SLC19A1: variants seen among roughly 807,000 people sequenced by gnomAD.
SLC19A1 encodes solute carrier family 19 member 1.
In SLC19A1, 37 loss-of-function variants were observed where a neutral mutation model predicts 35.3. That is an observed-to-expected ratio of 1.05 (90% CI 0.81 to 1.38). The LOEUF (loss-of-function observed/expected upper bound fraction) is 1.38, where lower values mean the gene tolerates loss of function less well. SLC19A1 is among the 40% of genes most tolerant of loss of function. The pLI, the probability that SLC19A1 is intolerant of heterozygous loss-of-function variation, is 0.00. For synonymous variants in SLC19A1, 460 were observed against 398.5 expected, an observed-to-expected ratio of 1.15 and a Z score of -1.84; for missense variants, 831 against 826.9, an observed-to-expected ratio of 1.00 and a Z score of -0.06.
chr21:45,507,600 A>G (rs765776651), downstream of SLC19A1: 10 of 1,612,908 alleles, frequency 6.2e-6, no homozygotes, highest in Admixed American at 1.0e-4. Context: ...GACGGTAAGG[A>G]GCCTTTTTTC....
chr21:45,546,535 C>T (rs1325077870), upstream of SLC19A1, among the ~76,000 whole-genome samples: 3 of 152,360 alleles, frequency 2.0e-5, no homozygotes, highest in South Asian at 2.1e-4. Flanking sequence ...CACTGAATCC[C>T]GATGCCCCCA....
In SLC19A1 at chr21:45,540,745, T is replaced by A. The variant is rs2078278437; in HGVS notation, c.-50+1623A>T. 6.6e-6 allele frequency among the ~76,000 whole-genome samples: 1 copy of A among 152,072 alleles called. No individual in the cohort carries two copies. ...TACAGCTTGAGGCCTCTTCCCGGCATCTGAAGGAAGTCCCCGACCAGACAG... is the reference window on the plus strand; with the variant it reads ...TACAGCTTGAGGCCTCTTCCCGGCAACTGAAGGAAGTCCCCGACCAGACAG... On this transcript the variant is annotated intron_variant, in intron 1 of 5. Transcript: ENST00000311124. This position sits in a 1 kb window ranked among gnomAD's most constrained non-coding sequence, Gnocchi z 5.5.
intron 4 of SLC19A1, among the ~76,000 whole-genome samples, chr21:45,528,258 C>T (rs73907589): frequency 6.6e-6 from 1 of 152,062 alleles, no homozygotes; most frequent in African/African-American, 2.4e-5. Flanking sequence ...CAGGCCAGCC[C>T]CCAGGGTGCT....
At chr21:45,544,204 C>T (rs1247444400), upstream of SLC19A1, 1 of 152,344 alleles carries the variant, frequency 6.6e-6, no homozygotes, top group African/African-American at 2.4e-5. Context: ...CCAAGCTGCC[C>T]TCGGGTCCCC....
Position 45,533,281 on chromosome 21 carries a change from G to A in SLC19A1, c.190-1133C>T, listed in dbSNP as rs9974515. Among the ~76,000 whole-genome samples, 1,787 of 151,876 alleles carry A rather than the reference G, an allele frequency of 0.012. 23 individuals are homozygous for A. Among genetic ancestry groups the A allele is most frequent in the African/African-American group, 0.034 (1,427 of 41,464 alleles). ...ACACACATCCACCTTCCATGGGAAC[G>A]TGGAGCTGGGCACGGGGCTGGGGGT... On this transcript the variant is annotated intron_variant, in intron 2 of 5. Transcript: ENST00000311124. This position sits in a 1 kb window ranked among gnomAD's most constrained non-coding sequence, Gnocchi z 4.5.
exon 1 of SLC19A1, among the ~76,000 whole-genome samples, chr21:45,562,945 C>CGGATCTGTGCG (rs939157981): frequency 1.3e-5 from 2 of 152,184 alleles, no homozygotes; most frequent in African/African-American, 4.8e-5. Context: ...CCGGTATCTA[C>CGGATCTGTGCG]GTGTGTACGG....
intron 5 of SLC19A1, among the ~76,000 whole-genome samples, chr21:45,521,343 A>G (rs1474462268): frequency 6.6e-6 from 1 of 152,248 alleles, no homozygotes; most frequent in Non-Finnish European, 1.5e-5. Context: ...CATATGCTGA[A>G]AACTACAAAA....
intron 3 of SLC19A1, chr21:45,505,772 C>G (rs1352236955): frequency 7.9e-7 from 1 of 1,257,956 alleles, no homozygotes; most frequent in Non-Finnish European, 1.1e-6. Context: ...ACGGGCATTC[C>G]TTCCTTCCGC....
At chr21:45,518,133 T>A (rs192512049) in intron 5 of SLC19A1, among the ~76,000 whole-genome samples, 2 of 151,988 alleles carry the variant, frequency 1.3e-5, no homozygotes, top group African/African-American at 4.8e-5. Flanking sequence ...ACAAACATGC[T>A]GGAAACAAAT....
At chr21:45,504,660 G>A in intron 3 of SLC19A1, 5 of 982,774 alleles carry the variant, frequency 5.1e-6, no homozygotes, top group Non-Finnish European at 4.6e-6. Flanking sequence ...GGCCGGAGCT[G>A]CCCCTGCAAG....
intron 1 of SLC19A1, among the ~76,000 whole-genome samples, chr21:45,555,000 C>T (rs771195036): frequency 6.6e-6 from 1 of 151,160 alleles, no homozygotes; most frequent in Non-Finnish European, 1.5e-5. Flanking sequence ...CCCAGGAGCA[C>T]GTCCAGGTTA....
At chr21:45,562,095 C>T (rs1157277382) in intron 1 of SLC19A1, among the ~76,000 whole-genome samples, 1 of 143,704 alleles carries the variant, frequency 7.0e-6, no homozygotes, top group East Asian at 2.1e-4. Context: ...CGCGCCATTG[C>T]ACTCCAGTCT....
Position 45,515,204 on chromosome 21 carries a change from A to T in SLC19A1, c.*454T>A. On this transcript the variant is annotated 3_prime_UTR_variant, in exon 6 of 6. Coordinates refer to ENST00000311124, the MANE Select transcript of SLC19A1 (RefSeq NM_194255.4). ...ATCTTTCAAAAAAGCAAGAGCACCAAGGATGACCAGCAATGTCACAGCTCA... is the reference window on the plus strand; with the variant it reads ...ATCTTTCAAAAAAGCAAGAGCACCATGGATGACCAGCAATGTCACAGCTCA... 6.6e-7 allele frequency: 1 copy of T among 1,518,380 alleles called. No individual in the cohort carries two copies. Among genetic ancestry groups the T allele is most frequent in the Non-Finnish European group, 8.8e-7 (1 of 1,140,518 alleles). 94.1% of individuals were successfully genotyped at this position (1,518,380 alleles called of 1,614,324 possible). A position where few individuals can be genotyped will look rare whatever the true frequency, so the allele number is the denominator to read the frequency against.
rs145397594 is a variant in SLC19A1, at chr21:45,527,067, C to T, written c.1152-1109G>A. Among the ~76,000 whole-genome samples the T allele has an allele frequency of 6.0e-3, 918 of 152,388 alleles. 16 individuals are homozygous for T. The highest frequency in any genetic ancestry group is 0.021 in the African/African-American group (880 of 41,592). ...AAAAGTCTAGAATGAAAGTCTTTCACGGTTAAATGTTTGATAAATTAGAAG... is the reference window on the plus strand; with the variant it reads ...AAAAGTCTAGAATGAAAGTCTTTCATGGTTAAATGTTTGATAAATTAGAAG... On this transcript the variant is annotated intron_variant, in intron 4 of 5. Transcript: ENST00000311124.
At chr21:45,560,536 CAT>C (rs2078605733) in intron 1 of SLC19A1, among the ~76,000 whole-genome samples, 9 of 150,914 alleles carry the variant, frequency 6.0e-5, no homozygotes, top group South Asian at 2.1e-4. Context: ...GCACTGGCAC[CAT>C]GGTAGGAAGC....
rs2078055622 is a variant in SLC19A1 at position 45,534,861 on chromosome 21, C to G, written c.190-2713G>C. Among the ~76,000 whole-genome samples the G allele has an allele frequency of 1.3e-5, 2 of 152,278 alleles. No homozygotes were observed. The highest frequency in any genetic ancestry group is 6.5e-5 in the Admixed American group (1 of 15,292). On this transcript the variant is annotated intron_variant, in intron 2 of 5. Coordinates refer to ENST00000311124, the MANE Select transcript of SLC19A1 (RefSeq NM_194255.4). The surrounding 1 kb of genome is among the most constrained non-coding windows in gnomAD (Gnocchi z 4.2). Reference sequence around the variant, plus strand: ...CTGTCAGGCGGCCACGACTCTGACACGAGGACAGCCTCCTGCTGCCTGAGC... The same window carrying G: ...CTGTCAGGCGGCCACGACTCTGACAGGAGGACAGCCTCCTGCTGCCTGAGC...
At chr21:45,548,036 T>C (rs966197258), upstream of SLC19A1, among the ~76,000 whole-genome samples, 4 of 152,194 alleles carry the variant, frequency 2.6e-5, no homozygotes, top group African/African-American at 9.6e-5. Context: ...CCAGAACAAT[T>C]GTGACTAAGA....
At chr21:45,518,926 C>T (rs1381320729) in intron 5 of SLC19A1, among the ~76,000 whole-genome samples, 1 of 152,126 alleles carries the variant, frequency 6.6e-6, no homozygotes, top group Non-Finnish European at 1.5e-5. Context: ...CTTGAAATAA[C>T]AGGAAAGAGG....
At chr21:45,511,377 G>A (rs73907573), downstream of SLC19A1, 622 of 674,540 alleles carry the variant, frequency 9.2e-4, 4 homozygotes, top group African/African-American at 0.01. Context: ...AGAGCATTGA[G>A]AAAAATGAGA....
Sources: gnomAD v4.1 joint callset for allele counts (sites outside exome capture counted in the v4.1 genomes callset) on GRCh38, gnomAD v4.1.1 for gene constraint, Gnocchi (gnomAD v3.1) non-coding constraint, MANE v1.5 for transcripts, NCBI Gene and HGNC (gene_info 2026-07-23, HGNC 2026-07-21) for gene names.